The following LRRC53 variants were observed in gnomAD, a reference collection of about 807,000 sequenced individuals.
The protein encoded by LRRC53 is leucine rich repeat containing 53.
Under a neutral mutation model 13.6 loss-of-function variants are expected in LRRC53, and 25 were observed. That is an observed-to-expected ratio of 1.83 (90% CI 1.34 to 2.56). LRRC53 has a LOEUF of 2.56. Ranked by LOEUF, LRRC53 falls within the 30% of genes most tolerant of loss-of-function variation. LRRC53 has a pLI of 0.00. For synonymous variants in LRRC53, 204 were observed against 109.8 expected, an observed-to-expected ratio of 1.86 and a Z score of -5.37; for missense variants, 527 against 275.8, an observed-to-expected ratio of 1.91 and a Z score of -6.45.
chr1:74,505,831 A>T (rs1465369734), intron 1 of LRRC53, among the ~76,000 whole-genome samples: 1 of 152,232 alleles, frequency 6.6e-6, no homozygotes, highest in Non-Finnish European at 1.5e-5. Flanking sequence ...TGGAATGAAA[A>T]TCTTCACCAT....
the LRRC53 span, among the ~76,000 whole-genome samples, chr1:74,525,513 G>A: frequency 6.6e-6 from 1 of 152,102 alleles, no homozygotes; most frequent in African/African-American, 2.4e-5. Context: ...GAGAGATGAG[G>A]CTGAAGAAAT....
intron 1 of LRRC53, among the ~76,000 whole-genome samples, chr1:74,511,379 G>A (rs1364697872): frequency 6.6e-6 from 1 of 152,108 alleles, no homozygotes; most frequent in Non-Finnish European, 1.5e-5. Context: ...TTTTAGTAGA[G>A]ATAGGGTTTT....
intron 3 of LRRC53, among the ~76,000 whole-genome samples, chr1:74,479,698 C>T (rs1270759775): frequency 5.3e-5 from 8 of 152,210 alleles, no homozygotes; most frequent in African/African-American, 2.4e-5. Context: ...TCTTACTATA[C>T]ACCATGGAGA....
the LRRC53 span, among the ~76,000 whole-genome samples, chr1:74,521,141 A>T: frequency 1.3e-5 from 2 of 152,202 alleles, no homozygotes; most frequent in Non-Finnish European, 1.5e-5. Context: ...AGAAGTTTGT[A>T]GAGCTGAAAT....
intron 1 of LRRC53, among the ~76,000 whole-genome samples, chr1:74,493,405 G>A (rs1181308387): frequency 6.6e-6 from 1 of 152,036 alleles, no homozygotes; most frequent in Non-Finnish European, 1.5e-5. Context: ...AAAAGATTAA[G>A]CAAAAAGGTA....
intron 1 of LRRC53, among the ~76,000 whole-genome samples, chr1:74,508,689 C>T (rs868568031): frequency 2.0e-5 from 3 of 152,132 alleles, no homozygotes; most frequent in Non-Finnish European, 4.4e-5. Flanking sequence ...GAGCCCAACC[C>T]GGGGCATATG....
At chr1:74,504,950 G>A (rs184431158) in intron 1 of LRRC53, among the ~76,000 whole-genome samples, 3 of 152,262 alleles carry the variant, frequency 2.0e-5, no homozygotes. Context: ...TTCGCCGGAG[G>A]CAAACTGCTA....
rs945614658 is a variant in LRRC53, at chr1:74,471,448, C to T, written c.2174G>A (p.Arg725Lys). 83 of 400,652 alleles carry T rather than the reference C, an allele frequency of 2.1e-4. No individual in the cohort carries two copies. Among genetic ancestry groups the T allele is most frequent in the Middle Eastern group, 1.9e-3 (6 of 3,220 alleles). 24.8% of individuals were successfully genotyped at this position (400,652 alleles called of 1,614,324 possible). A position where few individuals can be genotyped will look rare whatever the true frequency, so the allele number is the denominator to read the frequency against. Residue 725 changes from arginine to lysine, a missense_variant, in exon 5 of 5, where the codon AGA becomes AAA. By Grantham distance (26) the Arg-to-Lys change is conservative. Transcript: ENST00000294635. ...QNLKLNLHPF[R>K]KVRVHPEKSL... Reference sequence around the variant, plus strand: ...TTTTTCTGGATGGACTCTGACTTTTCTAAAAGGATGTAAATTTAATTTTAA... The same window carrying T: ...TTTTTCTGGATGGACTCTGACTTTTTTAAAAGGATGTAAATTTAATTTTAA...
At chr1:74,495,639 G>A (rs976659426) in intron 1 of LRRC53, among the ~76,000 whole-genome samples, 2 of 152,100 alleles carry the variant, frequency 1.3e-5, no homozygotes, top group Non-Finnish European at 2.9e-5. Context: ...AATTTTTATA[G>A]ATGAGGAAAC....
upstream of LRRC53, among the ~76,000 whole-genome samples, chr1:74,516,561 A>T (rs967479653): frequency 6.6e-6 from 1 of 152,116 alleles, no homozygotes; most frequent in Non-Finnish European, 1.5e-5. Context: ...GCAATAGAGG[A>T]TGAGGCTGGA....
In LRRC53 at chr1:74,480,179, G is replaced by A. The variant is rs1168757484; in HGVS notation, c.878C>T (p.Ala293Val). 15 of 717,228 alleles carry A rather than the reference G, an allele frequency of 2.1e-5. No individual in the cohort carries two copies. The highest frequency in any genetic ancestry group is 3.6e-5 in the Non-Finnish European group (14 of 385,050). 44.4% of individuals were successfully genotyped at this position (717,228 alleles called of 1,614,324 possible). A position where few individuals can be genotyped will look rare whatever the true frequency, so the allele number is the denominator to read the frequency against. Residue 293 changes from alanine (A) to valine (V), a missense_variant, in exon 3 of 5, where the codon GCC (alanine) becomes GTC (valine). Physicochemically the swap from Ala to Val is moderately conservative, Grantham distance 64 (BLOSUM62 0). Transcript: ENST00000294635. ...RSPLLPGPDV[A>V]LLTVLGFAGA... ...TGCGAAGCCAAGGACAGTCAGCAGG[G>A]CCACATCTGGTCCTGGGAGGAGGGG...
the LRRC53 span, among the ~76,000 whole-genome samples, chr1:74,530,408 T>C: frequency 6.6e-6 from 1 of 152,186 alleles, no homozygotes; most frequent in Non-Finnish European, 1.5e-5. Flanking sequence ...TTTCCTCATA[T>C]ATAAAATGAG....
Position 74,480,540 on chromosome 1 carries a change from C to T in LRRC53, c.517G>A (p.Gly173Arg), listed in dbSNP as rs1303455505. The T allele has an allele frequency of 1.4e-6, 1 of 717,268 alleles. No homozygotes were observed. The highest frequency in any genetic ancestry group is 1.7e-5 in the African/African-American group (1 of 57,252). The allele number at this position is 717,268 out of a possible 1,614,324, so 44.4% of individuals were successfully genotyped here. A position where few individuals can be genotyped will look rare whatever the true frequency, so the allele number is the denominator to read the frequency against. ...DLSNNFISYI[G>R]KDAFRPLPQL... ...GGCAGGGGCCGGAAGGCATCTTTCC[C>T]AATGTAGGAAATAAAATTGTTGGAT... Residue 173 changes from glycine to arginine, a missense_variant, in exon 3 of 5, where the codon GGG (glycine) becomes AGG (arginine). Gly to Arg is a moderately radical substitution (Grantham distance 125). Transcript: ENST00000294635.
chr1:74,493,373 G>A (rs559436693), intron 1 of LRRC53, among the ~76,000 whole-genome samples: 24 of 152,134 alleles, frequency 1.6e-4, no homozygotes, highest in South Asian at 8.3e-4. Context: ...ACTTTACCTC[G>A]ATGAAAACAG....
chr1:74,533,516 G>T, the LRRC53 span, among the ~76,000 whole-genome samples: 1 of 152,094 alleles, frequency 6.6e-6, no homozygotes, highest in African/African-American at 2.4e-5. Context: ...ATTCCTCAGG[G>T]ATCTAGAACT....
chr1:74,523,263 C>T, the LRRC53 span, among the ~76,000 whole-genome samples: 1 of 152,140 alleles, frequency 6.6e-6, no homozygotes, highest in African/African-American at 2.4e-5. Context: ...TTTCAAAAAA[C>T]ACATCTATAG....
upstream of LRRC53, among the ~76,000 whole-genome samples, chr1:74,517,164 A>G (rs892831016): frequency 2.0e-5 from 3 of 152,170 alleles, no homozygotes; most frequent in African/African-American, 7.2e-5. Flanking sequence ...CACTTTCTAT[A>G]TGCAACATAT....
At chr1:74,531,704 G>C in the LRRC53 span, among the ~76,000 whole-genome samples, 177 of 152,168 alleles carry the variant, frequency 1.2e-3, no homozygotes, top group African/African-American at 4.0e-3. Context: ...CCTTAGATTG[G>C]GGCAAATAAC....
At chr1:74,504,514 A>C (rs558369260) in intron 1 of LRRC53, among the ~76,000 whole-genome samples, 1 of 152,290 alleles carries the variant, frequency 6.6e-6, no homozygotes, top group South Asian at 2.1e-4. Context: ...GCCTTTCGCC[A>C]TGAAAAATGT....
Sources: allele counts gnomAD v4.1 joint callset (sites outside exome capture counted in the v4.1 genomes callset), GRCh38; gene constraint gnomAD v4.1.1; transcripts MANE v1.5; gene names NCBI Gene and HGNC (gene_info 2026-07-23, HGNC 2026-07-21).